The following C8orf34 variants were observed in gnomAD, a reference collection of about 807,000 sequenced individuals.
C8orf34 encodes the protein uncharacterized protein C8orf34.
A neutral mutation model predicts 68.3 loss-of-function variants in C8orf34; 65 were observed. That is an observed-to-expected ratio of 0.95 (90% CI 0.78 to 1.17). The LOEUF (loss-of-function observed/expected upper bound fraction) is 1.17. Among genes scored for constraint, C8orf34 ranks in the 50% most tolerant of loss-of-function variants. The pLI, the probability that C8orf34 is intolerant of heterozygous loss-of-function variation, is 0.00. For missense variants in C8orf34, 664 were observed against 655.4 expected (o/e 1.01, Z -0.14); for synonymous variants, 244 against 241.2 (o/e 1.01, Z -0.11).
chr8:68,488,381 A>G (rs946172735), intron 5 of C8orf34, among the ~76,000 whole-genome samples: 9 of 151,630 alleles, frequency 5.9e-5, no homozygotes, highest in African/African-American at 2.2e-4. Context: ...AATGATAATG[A>G]TATGGAAAAC....
At chr8:68,418,722 C>A (rs969234722) in intron 1 of C8orf34, among the ~76,000 whole-genome samples, 4 of 151,970 alleles carry the variant, frequency 2.6e-5, no homozygotes, top group Non-Finnish European at 4.4e-5. Flanking sequence ...GAAAAACAAG[C>A]AATGGGGAAA....
Position 68,802,686 on chromosome 8 carries a change from C to T in C8orf34, c.1550-13200C>T, listed in dbSNP as rs1824367906. On this transcript the variant is annotated intron_variant, in intron 12 of 13. Coordinates refer to ENST00000518698, the MANE Select transcript of C8orf34 (RefSeq NM_052958.4). ...ATAATTTTTGTAGTTTTTGTGGAGA[C>T]AAGGTTTCCCCATGTTGCCCAGGCT... Among the ~76,000 whole-genome samples, 3 of 151,608 alleles carry T rather than the reference C, an allele frequency of 2.0e-5. No individual in the cohort carries two copies. The South Asian group carries it at 6.3e-4, about 32-fold the overall frequency.
chr8:68,460,334 G>A (rs962963432), intron 3 of C8orf34, among the ~76,000 whole-genome samples: 26 of 152,238 alleles, frequency 1.7e-4, no homozygotes, highest in African/African-American at 2.9e-4. Context: ...AGGCCTGCCT[G>A]CCTCTGTAGG....
chr8:68,470,728 G>A (rs1812345421), intron 4 of C8orf34, among the ~76,000 whole-genome samples: 1 of 152,074 alleles, frequency 6.6e-6, no homozygotes, highest in African/African-American at 2.4e-5. Context: ...TCCACAGATT[G>A]TATATCCTAG....
chr8:68,597,255 G>T (rs1817571464), intron 7 of C8orf34, among the ~76,000 whole-genome samples: 1 of 152,056 alleles, frequency 6.6e-6, no homozygotes, highest in Admixed American at 6.6e-5. Context: ...AGAGTCACCT[G>T]TGTCTCATGT....
At position 68,339,154 on chromosome 8, in the gene C8orf34, TGG is replaced by T. The variant is rs1805971156; in HGVS notation, c.327+7816_327+7817del. On this transcript the variant is annotated intron_variant, in intron 1 of 13. Coordinates refer to ENST00000518698, the MANE Select transcript of C8orf34 (RefSeq NM_052958.4). ...TTAATTTTCATATAAAAATACCTGC[TGG>T]AATTTTGATTCAGATTGTGTTGAAT... is the stretch of plus-strand genomic sequence containing the variant. Among the ~76,000 whole-genome samples the T allele has an allele frequency of 5.9e-5, 9 of 152,220 alleles. No individual in the cohort carries two copies. In the South Asian group the frequency reaches 1.9e-3, roughly 32 times the overall value.
intron 3 of C8orf34, among the ~76,000 whole-genome samples, chr8:68,453,014 G>T (rs912960860): frequency 2.6e-5 from 4 of 151,810 alleles, no homozygotes; most frequent in African/African-American, 9.7e-5. Flanking sequence ...CCAATTTTTT[G>T]AAAATACTAT....
chr8:68,448,578 G>A (rs1402872596), intron 3 of C8orf34, among the ~76,000 whole-genome samples: 2 of 151,998 alleles, frequency 1.3e-5, no homozygotes. Context: ...AGAATAGGAT[G>A]TGAAAAAAGT....
intron 7 of C8orf34, among the ~76,000 whole-genome samples, chr8:68,620,403 C>T (rs1353960454): frequency 6.6e-6 from 1 of 152,098 alleles, no homozygotes; most frequent in East Asian, 1.9e-4. Flanking sequence ...GGGATGCGTA[C>T]CAGGCTCCTG....
chr8:68,597,825 C>T (rs1267340066), intron 7 of C8orf34, among the ~76,000 whole-genome samples: 1 of 152,044 alleles, frequency 6.6e-6, no homozygotes, highest in Admixed American at 6.6e-5. Flanking sequence ...GCCAGTAGCA[C>T]ATATGTCTTA....
chr8:68,421,829 C>G (rs547472525), intron 1 of C8orf34, among the ~76,000 whole-genome samples: 2 of 152,202 alleles, frequency 1.3e-5, no homozygotes, highest in Non-Finnish European at 2.9e-5. Context: ...AATTGACTTA[C>G]AGCCTGCATG....
intron 5 of C8orf34, among the ~76,000 whole-genome samples, chr8:68,505,169 A>G (rs1221295012): frequency 2.6e-5 from 4 of 151,952 alleles, no homozygotes; most frequent in Admixed American, 6.6e-5. Flanking sequence ...GAGGGTTCCA[A>G]TTTCTTCACA....
chr8:68,749,153 C>A (rs1439767956), intron 10 of C8orf34, among the ~76,000 whole-genome samples: 1 of 151,500 alleles, frequency 6.6e-6, no homozygotes, highest in Non-Finnish European at 1.5e-5. Flanking sequence ...AACCAAACAC[C>A]GCATATTCTC....
intron 7 of C8orf34, among the ~76,000 whole-genome samples, chr8:68,575,629 G>C (rs1421965333): frequency 6.6e-6 from 1 of 151,994 alleles, no homozygotes; most frequent in Admixed American, 6.6e-5. Context: ...CATACACAAT[G>C]ATAACTCATC....
At chr8:68,510,101 G>GT (rs1038681791) in intron 5 of C8orf34, among the ~76,000 whole-genome samples, 1 of 152,132 alleles carries the variant, frequency 6.6e-6, no homozygotes, top group African/African-American at 2.4e-5. Flanking sequence ...TGTAAATCCA[G>GT]TTTTTTTCTT....
intron 3 of C8orf34, among the ~76,000 whole-genome samples, chr8:68,462,813 A>G (rs1191459486): frequency 3.3e-5 from 5 of 152,082 alleles, no homozygotes; most frequent in Non-Finnish European, 5.9e-5. Context: ...GAAATGTATA[A>G]CACTAAATGC....
chr8:68,335,029 G>C (rs1231668739), intron 1 of C8orf34, among the ~76,000 whole-genome samples: 1 of 152,092 alleles, frequency 6.6e-6, no homozygotes, highest in Non-Finnish European at 1.5e-5. Flanking sequence ...AATGCTCCTT[G>C]CGTTTATCAG....
intron 1 of C8orf34, among the ~76,000 whole-genome samples, chr8:68,373,366 G>T (rs1454767055): frequency 6.6e-6 from 1 of 152,170 alleles, no homozygotes; most frequent in African/African-American, 2.4e-5. Flanking sequence ...TGGGGGAAAA[G>T]GGAAGAGATG....
intron 7 of C8orf34, among the ~76,000 whole-genome samples, chr8:68,627,805 C>A (rs1818579820): frequency 6.6e-6 from 1 of 152,172 alleles, no homozygotes; most frequent in Non-Finnish European, 1.5e-5. Context: ...TCTAAGCAAA[C>A]AAATTCTAGT....
Sources: gnomAD v4.1 joint callset for allele counts (sites outside exome capture counted in the v4.1 genomes callset) on GRCh38, gnomAD v4.1.1 for gene constraint, MANE v1.5 for transcripts, NCBI Gene and HGNC (gene_info 2026-07-23, HGNC 2026-07-21) for gene names.